HDGFL3: variants seen among roughly 807,000 people sequenced by gnomAD.
The protein encoded by HDGFL3 is hepatoma-derived growth factor-related protein 3.
In HDGFL3, 6 loss-of-function variants were observed where a neutral mutation model predicts 27.6. The observed-to-expected ratio is 0.22, with a 90% CI of 0.12 to 0.43. The LOEUF is 0.43. Ranked by LOEUF, HDGFL3 falls within the 20% of genes least tolerant of loss-of-function variation. The probability of loss-of-function intolerance (pLI) is 1.00; values close to 1 mark genes in which losing one functional copy is unlikely to be tolerated. For missense variants in HDGFL3, 207 were observed against 250.1 expected (o/e 0.83, Z 1.16); for synonymous variants, 88 against 88.9 (o/e 0.99, Z 0.05).
At chr15:83,181,370 G>C (rs2037379364) in intron 1 of HDGFL3, among the ~76,000 whole-genome samples, 1 of 152,182 alleles carries the variant, frequency 6.6e-6, no homozygotes. Flanking sequence ...CCTGGGGAGA[G>C]GCGTAGTCTC....
At chr15:83,145,281 T>C (rs1320479575) in intron 5 of HDGFL3, among the ~76,000 whole-genome samples, 1 of 152,140 alleles carries the variant, frequency 6.6e-6, no homozygotes, top group Non-Finnish European at 1.5e-5. Context: ...CCTCATTTCT[T>C]AACAGAACCC....
At chr15:83,119,568 C>T (rs373514177) in intron 3 of HDGFL3, 5 of 1,612,952 alleles carry the variant, frequency 3.1e-6, no homozygotes, top group Non-Finnish European at 4.2e-6. Context: ...CTTTTTAATG[C>T]TTTCTTTAGG....
In HDGFL3 at chr15:83,136,582, A is replaced by T. The variant is rs1236833398; in HGVS notation, c.*2688T>A. ...TCCTTTTTTTAGCATTAAACATAGC[A>T]TATGGAGTTCTTCCTCAGCTCTTGG... On this transcript the variant is annotated 3_prime_UTR_variant, in exon 6 of 6. Coordinates refer to ENST00000299633, the MANE Select transcript of HDGFL3 (RefSeq NM_016073.4). 2 of 1,613,826 alleles carry T rather than the reference A, an allele frequency of 1.2e-6. No homozygotes were observed. Among genetic ancestry groups the T allele is most frequent in the Middle Eastern group, 1.6e-4 (1 of 6,082 alleles).
intron 1 of HDGFL3, among the ~76,000 whole-genome samples, chr15:83,190,903 T>A (rs2037503631): frequency 1.3e-5 from 2 of 152,232 alleles, no homozygotes; most frequent in Admixed American, 6.5e-5. Flanking sequence ...TTTATCTATG[T>A]AGAAACGATT....
At chr15:83,145,801 G>A (rs181053175) in intron 5 of HDGFL3, among the ~76,000 whole-genome samples, 1 of 147,948 alleles carries the variant, frequency 6.8e-6, no homozygotes, top group East Asian at 2.0e-4. Flanking sequence ...TGTCCTCTCT[G>A]CCAAAGATCT....
chr15:83,162,144 T>A (rs1030041543), intron 2 of HDGFL3, among the ~76,000 whole-genome samples: 2 of 152,210 alleles, frequency 1.3e-5, no homozygotes, highest in Non-Finnish European at 1.5e-5. Flanking sequence ...AGCTATTTTT[T>A]AAACACCTAC....
intron 1 of HDGFL3, among the ~76,000 whole-genome samples, chr15:83,172,271 C>T (rs1245295311): frequency 6.6e-6 from 1 of 152,166 alleles, no homozygotes; most frequent in Non-Finnish European, 1.5e-5. Context: ...TGTAACGATA[C>T]ACCAAGAATG....
At chr15:83,121,831 T>G in intron 3 of HDGFL3, 1 of 944,772 alleles carries the variant, frequency 1.1e-6, no homozygotes, top group East Asian at 2.4e-5. Context: ...TTTACTAGTT[T>G]GAATACAAAA....
At chr15:83,199,617 GAGA>G in intron 1 of HDGFL3, among the ~76,000 whole-genome samples, 1 of 152,166 alleles carries the variant, frequency 6.6e-6, no homozygotes, top group South Asian at 2.1e-4. Context: ...TTCAGACTTA[GAGA>G]ATCTATTCAG....
chr15:83,205,133 T>C (rs961347162), intron 1 of HDGFL3, among the ~76,000 whole-genome samples: 3 of 152,092 alleles, frequency 2.0e-5, no homozygotes, highest in African/African-American at 7.2e-5. Context: ...TTTTTCCCAG[T>C]TAGCATTTTA....
At chr15:83,173,626 C>T (rs973480065) in intron 1 of HDGFL3, among the ~76,000 whole-genome samples, 1 of 152,114 alleles carries the variant, frequency 6.6e-6, no homozygotes. Flanking sequence ...ATCTCATCTA[C>T]TCTGAAATTA....
intron 1 of HDGFL3, among the ~76,000 whole-genome samples, chr15:83,172,494 T>C (rs1490367570): frequency 6.6e-6 from 1 of 152,118 alleles, no homozygotes; most frequent in Non-Finnish European, 1.5e-5. Flanking sequence ...AAATATTTTA[T>C]ATATGTATTA....
chr15:83,117,315 G>A (rs141024366), intron 3 of HDGFL3, among the ~76,000 whole-genome samples: 1 of 152,282 alleles, frequency 6.6e-6, no homozygotes, highest in African/African-American at 2.4e-5. Context: ...GATGCTGGCA[G>A]GGCTTTGCAG....
At chr15:83,195,450 C>T (rs926375752) in intron 1 of HDGFL3, among the ~76,000 whole-genome samples, 1 of 151,936 alleles carries the variant, frequency 6.6e-6, no homozygotes, top group Non-Finnish European at 1.5e-5. Context: ...ATATTGTCAT[C>T]GAGATCTACA....
Position 83,139,267 on chromosome 15 carries a change from T to A in HDGFL3, c.*3A>T. On this transcript the variant is annotated 3_prime_UTR_variant, in exon 6 of 6. Transcript: ENST00000299633. ...TCTTAATATGCAGCATTCATTATGG[T>A]AGTTAGGTCTGTAAAAAAAAAAAAA... 6.9e-7 allele frequency: 1 copy of A among 1,447,234 alleles called. No homozygotes were observed. The highest frequency in any genetic ancestry group is 9.2e-7 in the Non-Finnish European group (1 of 1,084,004). The allele number at this position is 1,447,234 out of a possible 1,614,324, so 89.6% of individuals were successfully genotyped here. A position where few individuals can be genotyped will look rare whatever the true frequency, so the allele number is the denominator to read the frequency against.
At chr15:83,168,667 CTA>C (rs576763475) in intron 1 of HDGFL3, among the ~76,000 whole-genome samples, 4 of 152,124 alleles carry the variant, frequency 2.6e-5, no homozygotes, top group Non-Finnish European at 5.9e-5. Flanking sequence ...AAGTCTCAGC[CTA>C]GATGGATTCA....
Position 83,156,839 on chromosome 15 carries a change from G to A in HDGFL3, c.459+576C>T, listed in dbSNP as rs1298375755. ...CTCATGAGTAGCTGGGACTACAGGC[G>A]CCCGCCACCATGCCCAGCTAATTTT... is the stretch of plus-strand genomic sequence containing the variant. On this transcript the variant is annotated intron_variant, in intron 4 of 5. Transcript: ENST00000299633. 5.3e-5 allele frequency among the ~76,000 whole-genome samples: 8 copies of A among 152,054 alleles called. No homozygotes were observed. In the East Asian group the frequency reaches 7.7e-4, roughly 15 times the overall value.
chr15:83,163,862 A>C, intron 2 of HDGFL3, 137 bp downstream of exon 2: 1 of 626,256 alleles, frequency 1.6e-6, no homozygotes, highest in South Asian at 1.9e-5. Flanking sequence ...ATTAACAAAA[A>C]TACATTATTA....
chr15:83,200,136 G>A (rs2037624615), intron 1 of HDGFL3, among the ~76,000 whole-genome samples: 1 of 150,742 alleles, frequency 6.6e-6, no homozygotes, highest in Non-Finnish European at 1.5e-5. Context: ...GAGGTCAGGA[G>A]ATTGAGACCA....
Sources: allele counts gnomAD v4.1 joint callset (sites outside exome capture counted in the v4.1 genomes callset), GRCh38; gene constraint gnomAD v4.1.1; transcripts MANE v1.5; gene names NCBI Gene and HGNC (gene_info 2026-07-23, HGNC 2026-07-21).